Variants in STK32B observed in about 807,000 individuals in gnomAD.
STK32B encodes serine/threonine-protein kinase 32B.
Under a neutral mutation model 52.6 loss-of-function variants are expected in STK32B, and 43 were observed. The ratio of observed to expected loss-of-function variants is 0.82; its 90% confidence interval spans 0.64 to 1.05. STK32B has a LOEUF of 1.05. Among genes scored for constraint, STK32B ranks in the 50% least tolerant of loss-of-function variants. STK32B has a pLI of 0.00. For synonymous variants in STK32B, 238 were observed against 204.3 expected, an observed-to-expected ratio of 1.17 and a Z score of -1.41; for missense variants, 621 against 534.6, an observed-to-expected ratio of 1.16 and a Z score of -1.59.
the STK32B span, among the ~76,000 whole-genome samples, chr4:5,045,671 G>C: frequency 1.3e-5 from 2 of 152,232 alleles, no homozygotes; most frequent in South Asian, 4.2e-4. Context: ...TGTAGCGATT[G>C]TGAATGGGAG....
In STK32B at chr4:5,245,502, C is replaced by T. The variant is rs900545185; in HGVS notation, c.260+77052C>T. Among the ~76,000 whole-genome samples, 12 of 152,280 alleles carry T rather than the reference C, an allele frequency of 7.9e-5. 1 individual carries two copies. Among genetic ancestry groups the T allele is most frequent in the Admixed American group, 6.5e-5 (1 of 15,296 alleles). ...AGATGGGTTTCCTGAATACAGGACA[C>T]TGATGGGTCTTGAGTCTTTATCCAA... On this transcript the variant is annotated intron_variant, in intron 3 of 11. Transcript: ENST00000282908.
At chr4:5,403,216 C>G (rs1395303301) in intron 5 of STK32B, among the ~76,000 whole-genome samples, 2 of 152,136 alleles carry the variant, frequency 1.3e-5, no homozygotes, top group South Asian at 2.1e-4. Flanking sequence ...AGCCATACCC[C>G]CAACACCTCC....
At chr4:5,367,519 G>A (rs1387483124) in intron 4 of STK32B, among the ~76,000 whole-genome samples, 1 of 152,122 alleles carries the variant, frequency 6.6e-6, no homozygotes, top group African/African-American at 2.4e-5. Flanking sequence ...GAAAGGACGG[G>A]TATGTGAATG....
chr4:5,372,768 C>T (rs905489852), intron 4 of STK32B, among the ~76,000 whole-genome samples: 5 of 150,252 alleles, frequency 3.3e-5, no homozygotes, highest in African/African-American at 1.2e-4. Flanking sequence ...CTCTTCCTTT[C>T]TGCCACGCAT....
intron 2 of STK32B, among the ~76,000 whole-genome samples, chr4:5,150,903 A>G (rs1233055492): frequency 6.6e-6 from 1 of 152,172 alleles, no homozygotes; most frequent in Non-Finnish European, 1.5e-5. Flanking sequence ...AAATTGAGGC[A>G]TTCCTTTTCA....
At chr4:5,200,764 C>T (rs758863200) in intron 3 of STK32B, among the ~76,000 whole-genome samples, 1 of 152,114 alleles carries the variant, frequency 6.6e-6, no homozygotes, top group African/African-American at 2.4e-5. Context: ...ATGTACTCAC[C>T]CAAACAGATT....
Position 5,493,527 on chromosome 4 carries a change from C to G in STK32B, c.1107-5418C>G, listed in dbSNP as rs574087960. Among the ~76,000 whole-genome samples the G allele has an allele frequency of 3.3e-5, 5 of 152,216 alleles. No individual in the cohort carries two copies. In the East Asian group the frequency reaches 9.7e-4, roughly 29 times the overall value. ...AATTTTGTTGATCCTTTCAAAAAACCAGCTCCTGGATTCATTAATTTTTGA... is the reference window on the plus strand; with the variant it reads ...AATTTTGTTGATCCTTTCAAAAAACGAGCTCCTGGATTCATTAATTTTTGA... On this transcript the variant is annotated intron_variant, in intron 11 of 11. Coordinates refer to ENST00000282908, the MANE Select transcript of STK32B (RefSeq NM_018401.3).
chr4:5,489,480 T>C (rs1055911412), intron 11 of STK32B, among the ~76,000 whole-genome samples: 3 of 152,180 alleles, frequency 2.0e-5, no homozygotes, highest in Admixed American at 6.5e-5. Context: ...GCTGGGTTCA[T>C]AGCCTTATGA....
At chr4:5,025,599 G>A in the STK32B span, among the ~76,000 whole-genome samples, 1 of 152,122 alleles carries the variant, frequency 6.6e-6, no homozygotes, top group Non-Finnish European at 1.5e-5. Flanking sequence ...AAGCTCTAGG[G>A]GTCCACAGTG....
intron 3 of STK32B, among the ~76,000 whole-genome samples, chr4:5,318,034 T>C (rs1248577992): frequency 6.6e-6 from 1 of 152,136 alleles, no homozygotes; most frequent in Non-Finnish European, 1.5e-5. Flanking sequence ...GAATGCCTGC[T>C]GAAGTTTGAG....
chr4:5,331,155 C>T (rs977869883), intron 3 of STK32B, 65 bp from the exon 4 acceptor site: 10 of 1,455,174 alleles, frequency 6.9e-6, no homozygotes, highest in Non-Finnish European at 9.3e-6. Context: ...AAAATGGAGG[C>T]ATTGGTCTTG....
At chr4:5,027,628 T>C in the STK32B span, among the ~76,000 whole-genome samples, 141,060 of 152,218 alleles carry the variant, frequency 0.93, 65,819 homozygotes, top group East Asian at 1. Context: ...CTGGAGTGAC[T>C]GTGGTTTTGG....
At chr4:5,261,222 G>A (rs553370864) in intron 3 of STK32B, among the ~76,000 whole-genome samples, 3 of 152,118 alleles carry the variant, frequency 2.0e-5, no homozygotes, top group Non-Finnish European at 2.9e-5. Context: ...TTAAGGCTTC[G>A]TGCACCAATT....
At chr4:5,247,355 C>T (rs929597297) in intron 3 of STK32B, among the ~76,000 whole-genome samples, 59 of 152,324 alleles carry the variant, frequency 3.9e-4, no homozygotes, top group African/African-American at 1.1e-3. Flanking sequence ...GCTCCATAGG[C>T]GTAGGACCCT....
chr4:5,359,907 A>G (rs1306186966), intron 4 of STK32B, among the ~76,000 whole-genome samples: 1 of 152,172 alleles, frequency 6.6e-6, no homozygotes, highest in Non-Finnish European at 1.5e-5. Context: ...ACTCTGAGAG[A>G]GTGGAAAGCT....
At chr4:5,249,586 A>G (rs923034125) in intron 3 of STK32B, among the ~76,000 whole-genome samples, 1 of 151,880 alleles carries the variant, frequency 6.6e-6, no homozygotes, top group Non-Finnish European at 1.5e-5. Context: ...GTTAGCAAAA[A>G]CCCAAAGCAT....
rs181030613 is a variant in STK32B at position 5,354,171 on chromosome 4, G to C, written c.434+22778G>C. ...TGTGAGTGTTCTTACTCATGTGCAAGAGCTGAAAATATTGATCCCATGGAG... is the reference window on the plus strand; with the variant it reads ...TGTGAGTGTTCTTACTCATGTGCAACAGCTGAAAATATTGATCCCATGGAG... On this transcript the variant is annotated intron_variant, in intron 4 of 11. Transcript: ENST00000282908. Among the ~76,000 whole-genome samples, 63 of 152,312 alleles carry C rather than the reference G, an allele frequency of 4.1e-4. 1 individual carries two copies. Among genetic ancestry groups the C allele is most frequent in the Middle Eastern group, 3.4e-3 (1 of 294 alleles).
At chr4:5,177,102 G>C (rs2108748635) in intron 3 of STK32B, among the ~76,000 whole-genome samples, 1 of 152,300 alleles carries the variant, frequency 6.6e-6, no homozygotes, top group Non-Finnish European at 1.5e-5. Context: ...GTGTGTATGT[G>C]TATTAGTTCA....
At chr4:5,446,805 G>T (rs755533072) in intron 7 of STK32B, 29 bp downstream of exon 7, 1 of 1,608,562 alleles carries the variant, frequency 6.2e-7, no homozygotes, top group African/African-American at 1.3e-5. Flanking sequence ...CGGTACACAC[G>T]AGGGGCTGTG....
Sources: gnomAD v4.1 joint callset for allele counts (sites outside exome capture counted in the v4.1 genomes callset) on GRCh38, gnomAD v4.1.1 for gene constraint, MANE v1.5 for transcripts, NCBI Gene and HGNC (gene_info 2026-07-23, HGNC 2026-07-21) for gene names.